Variants in KASH5 observed in about 807,000 individuals in gnomAD.
KASH5 encodes KASH domain containing 5.
KASH5 carries 72 observed loss-of-function variants against 84.2 expected under a neutral mutation model. The observed-to-expected ratio is 0.85, with a 90% CI of 0.71 to 1.04. The LOEUF is 1.04. Among genes scored for constraint, KASH5 ranks in the 50% least tolerant of loss-of-function variants. The pLI is 0.00. For synonymous variants in KASH5, 260 were observed against 279.1 expected, an observed-to-expected ratio of 0.93 and a Z score of 0.68; for missense variants, 650 against 701.0, an observed-to-expected ratio of 0.93 and a Z score of 0.82.
At chr19:49,408,887 C>T in intron 12 of KASH5, 80 bp from the exon 13 acceptor site, 1 of 1,454,064 alleles carries the variant, frequency 6.9e-7, no homozygotes, top group Non-Finnish European at 9.4e-7. Context: ...GGGAAAGAAC[C>T]CTGGAAGAGG....
chr19:49,412,337 G>A lies in KASH5; in HGVS notation c.1270-631G>A, dbSNP rs760275714. Among the ~76,000 whole-genome samples, 2 of 152,062 alleles carry A rather than the reference G, an allele frequency of 1.3e-5. No homozygotes were observed. The highest frequency in any genetic ancestry group is 2.9e-5 in the Non-Finnish European group (2 of 68,004). On this transcript the variant is annotated intron_variant, in intron 15 of 19. Coordinates refer to ENST00000447857, the MANE Select transcript of KASH5 (RefSeq NM_144688.5). The surrounding 1 kb of genome is among the most constrained non-coding windows in gnomAD (Gnocchi z 4.6). The stretch of plus-strand genomic sequence containing the variant: ...TGGAGGGACAGAGCAGGGGTCAGAC[G>A]GGATGTGGGTGATGGGGAGGGAGGA...
At position 49,395,682 on chromosome 19, in the gene KASH5, C is replaced by T; in HGVS notation, c.336-87C>T. On this transcript the variant is annotated intron_variant, in intron 4 of 19. Coordinates refer to ENST00000447857, the MANE Select transcript of KASH5 (RefSeq NM_144688.5). The surrounding 1 kb of genome is among the most constrained non-coding windows in gnomAD (Gnocchi z 4.4). ...CAGCTCTCACCTGACCCGGTCCCCTCCTCCCACCTGCAATCCCCCTGCCTG... is the reference window on the plus strand; with the variant it reads ...CAGCTCTCACCTGACCCGGTCCCCTTCTCCCACCTGCAATCCCCCTGCCTG... 13 of 1,377,018 alleles carry T rather than the reference C, an allele frequency of 9.4e-6. No homozygotes were observed. The South Asian group carries it at 1.4e-4, about 15-fold the overall frequency. The allele number at this position is 1,377,018 out of a possible 1,614,324, so 85.3% of individuals were successfully genotyped here.
intron 5 of KASH5, among the ~76,000 whole-genome samples, chr19:49,396,683 C>G (rs765817505): frequency 6.6e-6 from 1 of 152,180 alleles, no homozygotes; most frequent in Non-Finnish European, 1.5e-5. Flanking sequence ...ATCTGATTAT[C>G]TAGTTAGCCA....
In KASH5 at chr19:49,399,130, A is replaced by G; in HGVS notation, c.735A>G (p.Gln245=). The G allele has an allele frequency of 6.5e-7, 1 of 1,549,910 alleles. No individual in the cohort carries two copies. Among genetic ancestry groups the G allele is most frequent in the Middle Eastern group, 1.7e-4 (1 of 5,964 alleles). Residue 245 remains glutamine (Q), a synonymous_variant, in exon 8 of 20, where the codon CAA becomes CAG. Coordinates refer to ENST00000447857, the MANE Select transcript of KASH5 (RefSeq NM_144688.5). The surrounding 1 kb of genome is among the most constrained non-coding windows in gnomAD (Gnocchi z 4.4). ...LEEQNRSLLA[Q]ARQAEKEQQH... ...AACAGAATCGCAGCCTTCTGGCCCA[A>G]GCCCGGCAGGCGGTGGGTCTGGCCC...
chr19:49,402,139 G>A lies in KASH5; in HGVS notation c.798+2632G>A, dbSNP rs539874048. On this transcript the variant is annotated intron_variant, in intron 9 of 19. Transcript: ENST00000447857. ...CACCTGTAATCCCAGCTACTCGGGA[G>A]GCTGAGGCAGGAGAATCGCTTGAAC... Among the ~76,000 whole-genome samples the A allele has an allele frequency of 6.8e-4, 103 of 152,226 alleles. 1 individual carries two copies. The highest frequency in any genetic ancestry group is 2.2e-3 in the African/African-American group (92 of 41,530).
At chr19:49,404,887 C>A (rs7248378) in intron 9 of KASH5, among the ~76,000 whole-genome samples, 42,990 of 151,972 alleles carry the variant, frequency 0.28, 6,327 homozygotes, top group South Asian at 0.49. Flanking sequence ...ATCTACCTAC[C>A]AGTTTATAAG....
rs750478304 is a variant in KASH5 at position 49,416,253 on chromosome 19, T to C, written c.1375-762T>C. 8.5e-5 allele frequency among the ~76,000 whole-genome samples: 13 copies of C among 152,184 alleles called. No individual in the cohort carries two copies. Among genetic ancestry groups the C allele is most frequent in the Admixed American group, 2.0e-4 (3 of 15,276 alleles). On this transcript the variant is annotated intron_variant, in intron 17 of 19. Coordinates refer to ENST00000447857, the MANE Select transcript of KASH5 (RefSeq NM_144688.5). This position sits in a 1 kb window ranked among gnomAD's most constrained non-coding sequence, Gnocchi z 5.4. ...CTGTCGCCAGGCTGGAGTGCAGTGG[T>C]GCGATCTCGGCTCACTGCAAGCTCC...
At chr19:49,407,701 G>A (rs767813584) in intron 12 of KASH5, 30 bp downstream of exon 12, 10 of 1,577,848 alleles carry the variant, frequency 6.3e-6, no homozygotes, top group East Asian at 4.7e-5. Flanking sequence ...CACCCACCGC[G>A]GCCCTCGCCA....
chr19:49,398,191 C>G, intron 7 of KASH5, 48 bp downstream of exon 7: 1 of 1,494,336 alleles, frequency 6.7e-7, no homozygotes, highest in Non-Finnish European at 9.0e-7. Flanking sequence ...TGCCTCCGTC[C>G]TCCCTGCAGC....
At position 49,414,349 on chromosome 19, in the gene KASH5, A is replaced by G. The variant is rs991230324; in HGVS notation, c.1329-602A>G. Among the ~76,000 whole-genome samples the G allele has an allele frequency of 1.3e-5, 2 of 152,036 alleles. No individual in the cohort carries two copies. The highest frequency in any genetic ancestry group is 1.5e-5 in the Non-Finnish European group (1 of 67,980). ...GGATTCGGCATGGGGAAGAGCTCCA[A>G]CAGTTGAGTTCTGTGGGCTGGGAGG... On this transcript the variant is annotated intron_variant, in intron 16 of 19. Coordinates refer to ENST00000447857, the MANE Select transcript of KASH5 (RefSeq NM_144688.5). This position sits in a 1 kb window ranked among gnomAD's most constrained non-coding sequence, Gnocchi z 4.5.
In KASH5 at chr19:49,390,867, C is replaced by T. The variant is rs921480268; in HGVS notation, c.-17C>T. 4 of 1,584,534 alleles carry T rather than the reference C, an allele frequency of 2.5e-6. No individual in the cohort carries two copies. Among genetic ancestry groups the T allele is most frequent in the Admixed American group, 3.8e-5 (2 of 53,018 alleles). ...CTGGTAGCTTTGCCAGCAGCTGCGCCGCGGCAGGGGTGGCCCATGGACCTG... is the reference window on the plus strand; with the variant it reads ...CTGGTAGCTTTGCCAGCAGCTGCGCTGCGGCAGGGGTGGCCCATGGACCTG... On this transcript the variant is annotated 5_prime_UTR_variant, in exon 2 of 20. Coordinates refer to ENST00000447857, the MANE Select transcript of KASH5 (RefSeq NM_144688.5).
intron 1 of KASH5, chr19:49,389,791 G>A (rs1973944018): frequency 6.5e-6 from 1 of 152,712 alleles, no homozygotes; most frequent in Non-Finnish European, 1.5e-5. Context: ...GGTCGGCCTG[G>A]GTGGAATGGA....
chr19:49,399,684 G>A lies in KASH5; in HGVS notation c.798+177G>A, dbSNP rs1974300488. On this transcript the variant is annotated intron_variant, in intron 9 of 19. Transcript: ENST00000447857. This position sits in a 1 kb window ranked among gnomAD's most constrained non-coding sequence, Gnocchi z 4.4. ...CTGTGAGAACAGCCGTGGTTTACAA[G>A]AGTGTGAGGCATGGGGTCAGCCTAC... 2 of 1,470,440 alleles carry A rather than the reference G, an allele frequency of 1.4e-6. No homozygotes were observed. Among genetic ancestry groups the A allele is most frequent in the Non-Finnish European group, 1.8e-6 (2 of 1,107,956 alleles). 91.1% of individuals were successfully genotyped at this position (1,470,440 alleles called of 1,614,324 possible).
chr19:49,392,660 C>G (rs1048545989), intron 2 of KASH5, among the ~76,000 whole-genome samples: 1 of 152,062 alleles, frequency 6.6e-6, no homozygotes, highest in African/African-American at 2.4e-5. Context: ...ACCTGTAATC[C>G]CAGCACTTTG....
At chr19:49,411,988 C>A (rs563030256) in intron 15 of KASH5, among the ~76,000 whole-genome samples, 10 of 150,304 alleles carry the variant, frequency 6.7e-5, no homozygotes, top group African/African-American at 2.2e-4. Flanking sequence ...AGGAAGCCAG[C>A]CTTTGAGGCA....
rs1276719712 is a variant in KASH5 at position 49,417,264 on chromosome 19, C to T, written c.1545C>T (p.Leu515=). Residue 515 remains leucine, a splice_region_variant and synonymous_variant, in exon 19 of 20, where the codon CTC becomes CTT. Transcript: ENST00000447857. This position sits in a 1 kb window ranked among gnomAD's most constrained non-coding sequence, Gnocchi z 5.2. Reference sequence around the variant, plus strand: ...AGCTCTGCCTGCCCCCACAGCGGCTCAGGTGTGCCCCCAGGCGTCTCCAGA... The same window carrying T: ...AGCTCTGCCTGCCCCCACAGCGGCTTAGGTGTGCCCCCAGGCGTCTCCAGA... ...WGQLCLPPQR[L]RVTRHPLIPA... 1.9e-6 allele frequency: 3 copies of T among 1,611,684 alleles called. No individual in the cohort carries two copies. Among genetic ancestry groups the T allele is most frequent in the Non-Finnish European group, 2.5e-6 (3 of 1,179,010 alleles).
At chr19:49,389,512 C>G (rs1001260146) in intron 1 of KASH5, 2 of 152,538 alleles carry the variant, frequency 1.3e-5, no homozygotes, top group African/African-American at 4.8e-5. Context: ...GAACCCACTC[C>G]GTGCGCCAGG....
At chr19:49,400,955 C>T (rs550069888) in intron 9 of KASH5, among the ~76,000 whole-genome samples, 4 of 152,324 alleles carry the variant, frequency 2.6e-5, no homozygotes, top group African/African-American at 9.6e-5. Flanking sequence ...ATCTAAGTTG[C>T]AGGAGACTGA....
chr19:49,405,692 C>T (rs540696504), intron 9 of KASH5, among the ~76,000 whole-genome samples: 2 of 151,944 alleles, frequency 1.3e-5, no homozygotes, highest in African/African-American at 2.4e-5. Context: ...TGCGGTGGCT[C>T]ACACCTGTAG....
Sources: gnomAD v4.1 joint callset for allele counts (sites outside exome capture counted in the v4.1 genomes callset) on GRCh38, gnomAD v4.1.1 for gene constraint, Gnocchi (gnomAD v3.1) non-coding constraint, MANE v1.5 for transcripts, NCBI Gene and HGNC (gene_info 2026-07-23, HGNC 2026-07-21) for gene names.